ARL5B: variants seen among roughly 807,000 people sequenced by gnomAD.
ARL5B encodes the protein ARF like GTPase 5B.
ARL5B carries 10 observed loss-of-function variants against 26.9 expected under a neutral mutation model. That is an observed-to-expected ratio of 0.37 (90% CI 0.23 to 0.63). ARL5B has a LOEUF of 0.63. ARL5B is among the 30% of genes least tolerant of loss of function. ARL5B has a pLI of 0.62. For synonymous variants in ARL5B, 87 were observed against 70.4 expected (o/e 1.24, Z -1.18); for missense variants, 167 against 213.9 (o/e 0.78, Z 1.37).
intron 3 of ARL5B, among the ~76,000 whole-genome samples, chr10:18,669,571 A>T (rs890182684): frequency 3.9e-5 from 6 of 152,290 alleles, no homozygotes; most frequent in Middle Eastern, 3.4e-3. Context: ...GATTTTTTTA[A>T]AAGCCATTCA....
intron 3 of ARL5B, among the ~76,000 whole-genome samples, chr10:18,669,897 G>A (rs2059878959): frequency 6.6e-6 from 1 of 151,342 alleles, no homozygotes; most frequent in African/African-American, 2.4e-5. Context: ...AGGAGGCTGA[G>A]GCAGGAGAAT....
intron 1 of ARL5B, among the ~76,000 whole-genome samples, chr10:18,660,705 A>AAT (rs1399007743): frequency 6.6e-6 from 1 of 152,148 alleles, no homozygotes; most frequent in African/African-American, 2.4e-5. Flanking sequence ...CAAGGTTATA[A>AAT]ATATAGATAC....
Position 18,676,918 on chromosome 10 carries a change from C to T in ARL5B, c.*1702C>T, listed in dbSNP as rs749814311. ...GTTTAACTTTGTTTTAAGCCGTTTT[C>T]TTAGTGATTCTGTATCAAGTAGAGG... On this transcript the variant is annotated 3_prime_UTR_variant, in exon 6 of 6. Transcript: ENST00000377275. The T allele has an allele frequency of 6.6e-6, 1 of 152,236 alleles. No individual in the cohort carries two copies. The highest frequency in any genetic ancestry group is 2.4e-5 in the African/African-American group (1 of 41,378). The allele number at this position is 152,236 out of a possible 1,614,324, so 9.4% of individuals were successfully genotyped here. A position where few individuals can be genotyped will look rare whatever the true frequency, so the allele number is the denominator to read the frequency against.
chr10:18,673,538 A>T (rs2059897420), intron 4 of ARL5B, among the ~76,000 whole-genome samples: 1 of 152,194 alleles, frequency 6.6e-6, no homozygotes, highest in Non-Finnish European at 1.5e-5. Flanking sequence ...AGTATATCAC[A>T]ATCTATTCTT....
chr10:18,660,502 A>C (rs929950075), intron 1 of ARL5B, among the ~76,000 whole-genome samples: 1 of 152,096 alleles, frequency 6.6e-6, no homozygotes, highest in Non-Finnish European at 1.5e-5. Flanking sequence ...TTGAAAATCA[A>C]CTCGTTTCAT....
At position 18,679,987 on chromosome 10, in the gene ARL5B, T is replaced by A. The variant is rs982559475; in HGVS notation, c.*4771T>A. On this transcript the variant is annotated 3_prime_UTR_variant, in exon 6 of 6. Transcript: ENST00000377275. ...AGGGTTTTAGAATTTGGAACTGTAG[T>A]CACATAAAGGCATCTTTTGCATTTC... The A allele has an allele frequency of 2.0e-5, 3 of 151,960 alleles. No homozygotes were observed. The highest frequency in any genetic ancestry group is 6.6e-5 in the Admixed American group (1 of 15,254). 9.4% of individuals were successfully genotyped at this position (151,960 alleles called of 1,614,324 possible).
chr10:18,672,280 T>C (rs1406505962), intron 3 of ARL5B, among the ~76,000 whole-genome samples: 1 of 152,220 alleles, frequency 6.6e-6, no homozygotes, highest in African/African-American at 2.4e-5. Context: ...GTGAAAAATA[T>C]TATTGAAATT....
chr10:18,670,130 G>A (rs957625179), intron 3 of ARL5B, among the ~76,000 whole-genome samples: 1 of 152,096 alleles, frequency 6.6e-6, no homozygotes, highest in African/African-American at 2.4e-5. Flanking sequence ...TAGCATGTGT[G>A]TATGTGTGTA....
At chr10:18,661,748 T>C (rs2059837856) in intron 1 of ARL5B, among the ~76,000 whole-genome samples, 1 of 152,136 alleles carries the variant, frequency 6.6e-6, no homozygotes, top group Admixed American at 6.5e-5. Context: ...AATGTAATGA[T>C]GAGTAGGAAT....
At chr10:18,663,804 T>A (rs1324137466) in intron 1 of ARL5B, among the ~76,000 whole-genome samples, 1 of 152,072 alleles carries the variant, frequency 6.6e-6, no homozygotes, top group East Asian at 1.9e-4. Flanking sequence ...CACCTCGGCC[T>A]CCCAAAGTGC....
intron 3 of ARL5B, among the ~76,000 whole-genome samples, chr10:18,669,820 C>T (rs370353577): frequency 1.3e-5 from 2 of 151,818 alleles, no homozygotes; most frequent in South Asian, 2.1e-4. Context: ...GGTGAAACCC[C>T]GTCTCTACTA....
rs1428229105 is a variant in ARL5B, at chr10:18,679,157, A to C, written c.*3941A>C. On this transcript the variant is annotated 3_prime_UTR_variant, in exon 6 of 6. Coordinates refer to ENST00000377275, the MANE Select transcript of ARL5B (RefSeq NM_178815.5). Reference sequence around the variant, plus strand: ...TTAAATTCAGCGAATTAATAGCTGAATAGAAATAGCTAATGACAATGCAAA... The same window carrying C: ...TTAAATTCAGCGAATTAATAGCTGACTAGAAATAGCTAATGACAATGCAAA... The C allele has an allele frequency of 6.6e-6, 1 of 152,076 alleles. No homozygotes were observed. The highest frequency in any genetic ancestry group is 2.4e-5 in the African/African-American group (1 of 41,570). 9.4% of individuals were successfully genotyped at this position (152,076 alleles called of 1,614,324 possible). A position where few individuals can be genotyped will look rare whatever the true frequency, so the allele number is the denominator to read the frequency against.
intron 1 of ARL5B, chr10:18,659,949 G>C (rs1346048505): frequency 9.1e-6 from 9 of 985,166 alleles, no homozygotes; most frequent in Non-Finnish European, 1.1e-5. Context: ...GAAGTAAAGC[G>C]GGATACAGCT....
In ARL5B at chr10:18,677,972, T is replaced by C. The variant is rs2059917341; in HGVS notation, c.*2756T>C. 6.6e-6 allele frequency: 1 copy of C among 151,838 alleles called. No individual in the cohort carries two copies. The highest frequency in any genetic ancestry group is 2.4e-5 in the African/African-American group (1 of 41,422). 9.4% of individuals were successfully genotyped at this position (151,838 alleles called of 1,614,324 possible). ...TCTTTTAAGTATGTTATAACCAAAGTGTTCAATTATCCTTGCAAGTTCAAA... is the reference window on the plus strand; with the variant it reads ...TCTTTTAAGTATGTTATAACCAAAGCGTTCAATTATCCTTGCAAGTTCAAA... On this transcript the variant is annotated 3_prime_UTR_variant, in exon 6 of 6. Coordinates refer to ENST00000377275, the MANE Select transcript of ARL5B (RefSeq NM_178815.5).
rs768510381 is a variant in ARL5B, at chr10:18,680,332, A to G, written c.*5116A>G. The G allele has an allele frequency of 2.0e-5, 3 of 152,058 alleles. No individual in the cohort carries two copies. The highest frequency in any genetic ancestry group is 2.1e-4 in the South Asian group (1 of 4,830). 9.4% of individuals were successfully genotyped at this position (152,058 alleles called of 1,614,324 possible). A position where few individuals can be genotyped will look rare whatever the true frequency, so the allele number is the denominator to read the frequency against. ...TTTACCAGCTGGGCCAACATGGTAG[A>G]TATATGAGATTCACATATGGTTTCA... On this transcript the variant is annotated 3_prime_UTR_variant, in exon 6 of 6. Coordinates refer to ENST00000377275, the MANE Select transcript of ARL5B (RefSeq NM_178815.5).
At chr10:18,661,098 C>G (rs915910191) in intron 1 of ARL5B, among the ~76,000 whole-genome samples, 50 of 152,208 alleles carry the variant, frequency 3.3e-4, no homozygotes, top group African/African-American at 1.2e-3. Context: ...ATCTACCCAC[C>G]TCGGCCTCCC....
intron 3 of ARL5B, among the ~76,000 whole-genome samples, chr10:18,669,359 A>G (rs2059876466): frequency 6.6e-6 from 1 of 152,084 alleles, no homozygotes; most frequent in African/African-American, 2.4e-5. Context: ...TGACCGGTGG[A>G]GGAATAAAAT....
intron 1 of ARL5B, among the ~76,000 whole-genome samples, chr10:18,663,460 A>C (rs1252103845): frequency 6.6e-6 from 1 of 151,804 alleles, no homozygotes; most frequent in African/African-American, 2.4e-5. Flanking sequence ...ACTGGTTGCC[A>C]ATTGCGTATG....
Position 18,674,126 on chromosome 10 carries a change from C to G in ARL5B, c.482C>G (p.Thr161Arg). 6.2e-7 allele frequency: 1 copy of G among 1,609,646 alleles called. No individual in the cohort carries two copies. Among genetic ancestry groups the G allele is most frequent in the Non-Finnish European group, 8.5e-7 (1 of 1,178,106 alleles). Residue 161 changes from threonine to arginine, a missense_variant, in exon 5 of 6, where the codon ACA becomes AGA. Transcript: ENST00000377275. ...CACATTCAATCCTGCTGTGCTCTCA[C>G]AGGAGAAGGGTAAGTTCATCCGTCT... is the stretch of plus-strand genomic sequence containing the variant. Reference protein sequence around the residue: ...PWHIQSCCALTGEGLCQGLEW... With the variant: ...PWHIQSCCALRGEGLCQGLEW...
Sources: allele counts gnomAD v4.1 joint callset (sites outside exome capture counted in the v4.1 genomes callset), GRCh38; gene constraint gnomAD v4.1.1; transcripts MANE v1.5; gene names NCBI Gene and HGNC (gene_info 2026-07-23, HGNC 2026-07-21).